The following ARHGAP10 variants were observed in gnomAD, a reference collection of about 807,000 sequenced individuals.
ARHGAP10 encodes the protein rho GTPase-activating protein 10.
Under a neutral mutation model 108.6 loss-of-function variants are expected in ARHGAP10, and 87 were observed. That is an observed-to-expected ratio of 0.80 (90% confidence interval 0.67 to 0.96). The LOEUF (loss-of-function observed/expected upper bound fraction) is 0.96. ARHGAP10 is among the 40% of genes least tolerant of loss of function. The probability of loss-of-function intolerance (pLI) is 0.00; values close to 1 mark genes in which losing one functional copy is unlikely to be tolerated. For synonymous variants in ARHGAP10, 347 were observed against 341.1 expected (o/e 1.02, Z -0.19); for missense variants, 939 against 954.5 (o/e 0.98, Z 0.21).
intron 15 of ARHGAP10, among the ~76,000 whole-genome samples, chr4:147,954,827 C>A (rs1227603184): frequency 6.6e-6 from 1 of 151,868 alleles, no homozygotes; most frequent in East Asian, 1.9e-4. Flanking sequence ...CATCTCTCAT[C>A]TTATAGGAAT....
At chr4:147,829,717 G>C (rs145315009) in intron 3 of ARHGAP10, among the ~76,000 whole-genome samples, 24 of 152,186 alleles carry the variant, frequency 1.6e-4, no homozygotes, top group African/African-American at 5.8e-4. Context: ...TCTGAGGTGG[G>C]CAGCTGTCCA....
chr4:147,861,481 T>A (rs557369784), intron 5 of ARHGAP10: 1 of 151,850 alleles, frequency 6.6e-6, no homozygotes, highest in Non-Finnish European at 1.5e-5. Context: ...ATCACCCCTG[T>A]TTGTGTTACA....
chr4:147,872,632 G>GTTCT (rs1734878844), intron 7 of ARHGAP10, among the ~76,000 whole-genome samples: 1 of 152,140 alleles, frequency 6.6e-6, no homozygotes, highest in Non-Finnish European at 1.5e-5. Context: ...AGAAATAGCT[G>GTTCT]ATTACCACAC....
intron 1 of ARHGAP10, among the ~76,000 whole-genome samples, chr4:147,799,046 T>C (rs1731470676): frequency 6.6e-6 from 1 of 151,696 alleles, no homozygotes; most frequent in Admixed American, 6.6e-5. Context: ...CTTTTTTTTT[T>C]CTCTTCGAGA....
rs1015492568 is a variant in ARHGAP10 at position 147,990,227 on chromosome 4, C to T, written c.1716+23388C>T. Among the ~76,000 whole-genome samples, 3 of 152,200 alleles carry T rather than the reference C, an allele frequency of 2.0e-5. No individual in the cohort carries two copies. The South Asian group carries it at 6.2e-4, about 32-fold the overall frequency. Reference sequence around the variant, plus strand: ...TTCAAAACATTCAGAAGCACAAATGCTGCATTTAGTTAGTGATAACCAGTA... The same window carrying T: ...TTCAAAACATTCAGAAGCACAAATGTTGCATTTAGTTAGTGATAACCAGTA... On this transcript the variant is annotated intron_variant, in intron 18 of 22. Coordinates refer to ENST00000336498, the MANE Select transcript of ARHGAP10 (RefSeq NM_024605.4).
At chr4:147,913,045 C>A in intron 12 of ARHGAP10, 29 bp from the exon 13 acceptor site, 2 of 1,574,684 alleles carry the variant, frequency 1.3e-6, no homozygotes, top group East Asian at 2.2e-5. Flanking sequence ...AATAATTGTA[C>A]ACTTAATGTT....
At chr4:147,782,777 G>C (rs901298063) in intron 1 of ARHGAP10, 3 of 150,274 alleles carry the variant, frequency 2.0e-5, no homozygotes, top group Admixed American at 6.7e-5. Context: ...AAGACTTCCT[G>C]GTTAGTTTGA....
chr4:147,783,220 G>A (rs1041523206), intron 1 of ARHGAP10, among the ~76,000 whole-genome samples: 3 of 139,132 alleles, frequency 2.2e-5, no homozygotes, highest in African/African-American at 5.3e-5. Context: ...ATTAAATTAT[G>A]TATTGTATAA....
chr4:147,793,164 ATG>A (rs773691850), intron 1 of ARHGAP10, among the ~76,000 whole-genome samples: 5 of 144,236 alleles, frequency 3.5e-5, no homozygotes, highest in Admixed American at 6.9e-5. Context: ...GTGTGTATGT[ATG>A]TGTGTGTGTG....
At chr4:147,781,312 T>C (rs1410506558) in intron 1 of ARHGAP10, among the ~76,000 whole-genome samples, 2 of 151,952 alleles carry the variant, frequency 1.3e-5, no homozygotes, top group African/African-American at 2.4e-5. Context: ...CCAGAAACTA[T>C]TGGGGGATAG....
intron 13 of ARHGAP10, among the ~76,000 whole-genome samples, chr4:147,922,471 C>T (rs983710873): frequency 2.0e-5 from 3 of 151,388 alleles, no homozygotes; most frequent in Admixed American, 1.3e-4. Context: ...GGGCGGATCA[C>T]GAGGTCAGGA....
intron 15 of ARHGAP10, among the ~76,000 whole-genome samples, chr4:147,947,458 A>C (rs1187802825): frequency 6.6e-6 from 1 of 150,994 alleles, no homozygotes; most frequent in Non-Finnish European, 1.5e-5. Flanking sequence ...GCTGGAGTGC[A>C]GTGGCACGAT....
At chr4:148,060,344 A>ACC (rs1411745355) in intron 20 of ARHGAP10, among the ~76,000 whole-genome samples, 10 of 120,844 alleles carry the variant, frequency 8.3e-5, no homozygotes, top group Non-Finnish European at 1.8e-4. Flanking sequence ...GCTCATGTTT[A>ACC]GTTTTTTTTT....
chr4:147,845,974 A>G (rs1733615047), intron 3 of ARHGAP10, among the ~76,000 whole-genome samples: 1 of 152,190 alleles, frequency 6.6e-6, no homozygotes, highest in African/African-American at 2.4e-5. Flanking sequence ...GGATAAAATG[A>G]TATTTTGAAA....
At chr4:147,911,790 C>T (rs1417518397) in intron 12 of ARHGAP10, among the ~76,000 whole-genome samples, 1 of 151,898 alleles carries the variant, frequency 6.6e-6, no homozygotes, top group South Asian at 2.1e-4. Context: ...TTTGCTCTGC[C>T]ATATGAATCA....
At chr4:147,965,882 G>A (rs60882169) in intron 17 of ARHGAP10, among the ~76,000 whole-genome samples, 6,718 of 152,298 alleles carry the variant, frequency 0.044, 151 homozygotes, top group African/African-American at 0.058. Context: ...ATATAAAACA[G>A]CTTCAGATGA....
intron 19 of ARHGAP10, among the ~76,000 whole-genome samples, chr4:148,037,914 A>G (rs990348010): frequency 1.3e-5 from 2 of 151,742 alleles, no homozygotes; most frequent in Non-Finnish European, 2.9e-5. Context: ...TGTTGGTTCC[A>G]TCTCATATGC....
At chr4:147,908,871 AG>A (rs1221763112) in intron 11 of ARHGAP10, among the ~76,000 whole-genome samples, 1 of 152,170 alleles carries the variant, frequency 6.6e-6, no homozygotes, top group African/African-American at 2.4e-5. Flanking sequence ...GGTATACCTC[AG>A]GGAGAGAAAA....
chr4:148,065,344 G>A (rs1448400703), intron 22 of ARHGAP10: 1 of 152,236 alleles, frequency 6.6e-6, no homozygotes, highest in Admixed American at 6.5e-5. Flanking sequence ...TGTACTGTCA[G>A]TAATGCAGCA....
Sources: allele counts gnomAD v4.1 joint callset (sites outside exome capture counted in the v4.1 genomes callset), GRCh38; gene constraint gnomAD v4.1.1; transcripts MANE v1.5; gene names NCBI Gene and HGNC (gene_info 2026-07-23, HGNC 2026-07-21).